Variants in TERB1 observed in about 807,000 individuals in gnomAD.
TERB1 encodes telomere repeat binding bouquet formation protein 1, also known as telomere repeats-binding bouquet formation protein 1.
Under a neutral mutation model 92.3 loss-of-function variants are expected in TERB1, and 63 were observed. The observed-to-expected ratio is 0.68, with a 90% CI of 0.56 to 0.84. The LOEUF (loss-of-function observed/expected upper bound fraction) is 0.84. Among genes scored for constraint, TERB1 ranks in the 40% least tolerant of loss-of-function variants. The pLI, the probability that TERB1 is intolerant of heterozygous loss-of-function variation, is 0.00. For synonymous variants in TERB1, 252 were observed against 283.9 expected (o/e 0.89, Z 1.13); for missense variants, 709 against 843.7 (o/e 0.84, Z 1.98).
chr16:66,755,252 T>C (rs913186836), intron 18 of TERB1, 89 bp from the exon 19 acceptor site: 18 of 761,432 alleles, frequency 2.4e-5, no homozygotes, highest in Non-Finnish European at 3.2e-5. Context: ...GCTTAACTTA[T>C]ACCTAAGGAT....
rs1176353776 is a variant in TERB1, at chr16:66,801,019, C to G, written c.-75G>C. 6.6e-6 allele frequency: 1 copy of G among 152,332 alleles called. No homozygotes were observed. The highest frequency in any genetic ancestry group is 1.5e-5 in the Non-Finnish European group (1 of 68,128). 9.4% of individuals were successfully genotyped at this position (152,332 alleles called of 1,614,324 possible). On this transcript the variant is annotated 5_prime_UTR_variant, in exon 2 of 19. Transcript: ENST00000433154. ...TTCCTTGTGCAGAGCTTAGGTGGCC[C>G]CTCCAGGCTCCTCTCTGACCAGGGC... is the stretch of plus-strand genomic sequence containing the variant.
At chr16:66,782,234 C>T (rs188059802) in intron 9 of TERB1, among the ~76,000 whole-genome samples, 3 of 152,230 alleles carry the variant, frequency 2.0e-5, no homozygotes, top group Admixed American at 2.0e-4. Context: ...TTTCTGGGCT[C>T]TCACTTTTGT....
chr16:66,767,375 G>C (rs1395552166), intron 16 of TERB1, 40 bp downstream of exon 16: 3 of 1,152,274 alleles, frequency 2.6e-6, no homozygotes, highest in Non-Finnish European at 3.7e-6. Context: ...ATCATAAAAG[G>C]CTTTGACTGT....
chr16:66,793,159 A>T (rs1231168662), intron 3 of TERB1, among the ~76,000 whole-genome samples: 1 of 149,866 alleles, frequency 6.7e-6, no homozygotes, highest in Non-Finnish European at 1.5e-5. Flanking sequence ...AGAAATTAAG[A>T]TGTATCATCA....
intron 9 of TERB1, among the ~76,000 whole-genome samples, chr16:66,782,659 C>T (rs2018656539): frequency 6.6e-6 from 1 of 151,562 alleles, no homozygotes; most frequent in Non-Finnish European, 1.5e-5. Context: ...CGGTTTTATA[C>T]TTTTTTCCCC....
chr16:66,796,446 T>C (rs2018930707), intron 3 of TERB1, among the ~76,000 whole-genome samples: 1 of 152,232 alleles, frequency 6.6e-6, no homozygotes, highest in African/African-American at 2.4e-5. Context: ...TGCCCATGGA[T>C]TCAGTTTCCA....
chr16:66,774,984 A>G, intron 12 of TERB1, 134 bp downstream of exon 12: 1 of 895,068 alleles, frequency 1.1e-6, no homozygotes, highest in South Asian at 1.9e-5. Flanking sequence ...GGCATGAGCC[A>G]CTGTGCAGGG....
chr16:66,776,043 C>T (rs1315483868), intron 11 of TERB1, among the ~76,000 whole-genome samples: 2 of 151,846 alleles, frequency 1.3e-5, no homozygotes, highest in African/African-American at 2.4e-5. Flanking sequence ...AAATAATTCA[C>T]TTAAGGCCGG....
chr16:66,767,993 G>A, intron 15 of TERB1, 111 bp downstream of exon 15: 1 of 838,592 alleles, frequency 1.2e-6, no homozygotes, highest in South Asian at 1.5e-5. Flanking sequence ...CTCCCAAAGT[G>A]CTGGGATTAC....
chr16:66,772,150 G>A (rs1156907472), intron 13 of TERB1, among the ~76,000 whole-genome samples: 1 of 152,088 alleles, frequency 6.6e-6, no homozygotes, highest in African/African-American at 2.4e-5. Context: ...AAAATAACTT[G>A]GGAAGAAAAA....
At chr16:66,768,278 A>T in intron 14 of TERB1, 110 bp from the exon 15 acceptor site, 1 of 767,192 alleles carries the variant, frequency 1.3e-6, no homozygotes, top group Non-Finnish European at 2.2e-6. Context: ...GGCAAAAGCA[A>T]CCTGGAATCA....
chr16:66,755,081 C>T lies in TERB1; in HGVS notation c.2079G>A (p.Trp693Ter), dbSNP rs1036182847. The change falls in exon 19 of 19, where the codon TGG (tryptophan) becomes TGA (stop). Residue 693 changes from tryptophan to a stop codon, truncating the protein, a stop_gained. Transcript: ENST00000433154. LOFTEE classifies it high-confidence loss of function. ...AGGGGAAAGACCACAAAATTGAATT[C>T]CAGTGATTTCCCATTTTCTTAACTC... ...FNGVKKMGNH[W>*]NSILWSFPFQ... The T allele has an allele frequency of 8.4e-6, 13 of 1,551,188 alleles. No individual in the cohort carries two copies. In the African/African-American group the frequency reaches 1.5e-4, roughly 18 times the overall value.
intron 3 of TERB1, among the ~76,000 whole-genome samples, chr16:66,794,909 C>CAAA (rs58303083): frequency 1.3e-4 from 17 of 132,314 alleles, no homozygotes; most frequent in Non-Finnish European, 2.6e-4. Context: ...GACTCCGTCT[C>CAAA]AAAAAAAAAA....
At chr16:66,782,690 C>T (rs370801228) in intron 9 of TERB1, among the ~76,000 whole-genome samples, 105 of 152,258 alleles carry the variant, frequency 6.9e-4, no homozygotes, top group African/African-American at 2.3e-3. Flanking sequence ...ATTATCCTAG[C>T]CCCTTTGCAT....
intron 18 of TERB1, chr16:66,758,242 T>C (rs2018169555): frequency 6.5e-6 from 1 of 153,802 alleles, no homozygotes; most frequent in Non-Finnish European, 1.4e-5. Context: ...GCTTAATAAA[T>C]GTTAGTTTCC....
intron 9 of TERB1, among the ~76,000 whole-genome samples, chr16:66,784,700 C>A (rs2018693970): frequency 6.6e-6 from 1 of 151,546 alleles, no homozygotes; most frequent in Non-Finnish European, 1.5e-5. Flanking sequence ...TATAAATTTC[C>A]CTCTAAACAC....
intron 15 of TERB1, 28 bp from the exon 16 acceptor site, chr16:66,767,538 T>G: frequency 1.2e-6 from 1 of 842,692 alleles, no homozygotes; most frequent in Non-Finnish European, 1.9e-6. Context: ...ATGAAGGATT[T>G]TTGGATTAAT....
chr16:66,797,924 G>A (rs766292737), intron 2 of TERB1, among the ~76,000 whole-genome samples: 14 of 151,882 alleles, frequency 9.2e-5, no homozygotes, highest in Non-Finnish European at 1.9e-4. Context: ...AAACTGATTA[G>A]TTAGAAAAAA....
chr16:66,795,805 G>T (rs571903627), intron 3 of TERB1, among the ~76,000 whole-genome samples: 4 of 152,050 alleles, frequency 2.6e-5, no homozygotes. Context: ...TGTCATCAAC[G>T]CTTAAGTGCA....
Sources: gnomAD v4.1 joint callset for allele counts (sites outside exome capture counted in the v4.1 genomes callset) on GRCh38, gnomAD v4.1.1 for gene constraint, MANE v1.5 for transcripts, NCBI Gene and HGNC (gene_info 2026-07-23, HGNC 2026-07-21) for gene names.